PIK3CD: variants seen among roughly 807,000 people sequenced by gnomAD.
PIK3CD encodes phosphatidylinositol-4,5-bisphosphate 3-kinase catalytic subunit delta, also known as phosphatidylinositol 4,5-bisphosphate 3-kinase catalytic subunit delta isoform.
Under a neutral mutation model 122.9 loss-of-function variants are expected in PIK3CD, and 20 were observed. The ratio of observed to expected loss-of-function variants is 0.16; its 90% CI spans 0.11 to 0.24. PIK3CD has a LOEUF of 0.24. Ranked by LOEUF, PIK3CD falls within the 10% of genes least tolerant of loss-of-function variation. The pLI is 1.00. For missense variants in PIK3CD, 787 were observed against 1,406.3 expected, an observed-to-expected ratio of 0.56 and a Z score of 7.04; for synonymous variants, 596 against 593.4, an observed-to-expected ratio of 1.00 and a Z score of -0.06.
chr1:9,673,099 CTTT>C (rs541906039), intron 1 of PIK3CD, among the ~76,000 whole-genome samples: 20 of 136,408 alleles, frequency 1.5e-4, no homozygotes, highest in South Asian at 1.2e-3. Context: ...TTTAATCCTA[CTTT>C]TTTTTTTTTT....
At chr1:9,654,436 T>G (rs201913488) in intron 1 of PIK3CD, 1 of 1,366,286 alleles carries the variant, frequency 7.3e-7, no homozygotes, top group Non-Finnish European at 9.8e-7. Flanking sequence ...TGGGAGGGCA[T>G]CAGCCCCTGG....
At chr1:9,698,965 A>T (rs1179222990) in intron 2 of PIK3CD, among the ~76,000 whole-genome samples, 1 of 152,002 alleles carries the variant, frequency 6.6e-6, no homozygotes, top group Non-Finnish European at 1.5e-5. Flanking sequence ...ATGCAGGAGG[A>T]TTACTTGAGC....
chr1:9,664,525 C>T (rs1645103279), intron 1 of PIK3CD, among the ~76,000 whole-genome samples: 1 of 152,216 alleles, frequency 6.6e-6, no homozygotes, highest in East Asian at 1.9e-4. Flanking sequence ...GTTCAAGTCT[C>T]CCATCACTGC....
the PIK3CD span, among the ~76,000 whole-genome samples, chr1:9,635,886 C>T: frequency 2.6e-5 from 4 of 152,340 alleles, no homozygotes; most frequent in South Asian, 8.3e-4. Flanking sequence ...GACATGTGAG[C>T]ATCTGGCTGC....
At chr1:9,708,646 G>A (rs921368845) in intron 2 of PIK3CD, among the ~76,000 whole-genome samples, 1 of 151,544 alleles carries the variant, frequency 6.6e-6, no homozygotes, top group African/African-American at 2.4e-5. Flanking sequence ...TCAGGAGTTC[G>A]AGACCAACCT....
chr1:9,666,227 CTTTTTTTTTTTTT>C lies in PIK3CD; in HGVS notation c.-138+14444_-138+14456del, dbSNP rs573382597. 1.1e-3 allele frequency among the ~76,000 whole-genome samples: 50 copies of C among 44,200 alleles called. 1 individual carries two copies. Among genetic ancestry groups the C allele is most frequent in the African/African-American group, 3.8e-3 (31 of 8,214 alleles). The allele number at this position is 44,200 out of a possible 152,430, so 29.0% of individuals were successfully genotyped here. The stretch of plus-strand genomic sequence containing the variant: ...ACAGGCATGAGCCACCGCGCCCGGT[CTTTTTTTTTTTTT>C]TTTTTTTTTTTTTTTTTTGAGGTGG... On this transcript the variant is annotated intron_variant, in intron 1 of 23. Coordinates refer to ENST00000377346, the MANE Select transcript of PIK3CD (RefSeq NM_005026.5).
Position 9,715,826 on chromosome 1 carries a change from A to ACCCC in PIK3CD, c.371-20_371-19insCCCC. The ACCCC allele has an allele frequency of 2.5e-6, 3 of 1,187,952 alleles. No homozygotes were observed. Among genetic ancestry groups the ACCCC allele is most frequent in the Non-Finnish European group, 3.8e-6 (3 of 793,774 alleles). 73.6% of individuals were successfully genotyped at this position (1,187,952 alleles called of 1,614,324 possible). ...CTGGCCCTGCCTGCCCCACCCGCTG[A>ACCCC]CCCAGCCCTCCCCACCCCGCAGGCC... On this transcript the variant is annotated intron_variant, in intron 4 of 23. Transcript: ENST00000377346. The surrounding 1 kb of genome is among the most constrained non-coding windows in gnomAD (Gnocchi z 4.1).
At position 9,670,035 on chromosome 1, in the gene PIK3CD, G is replaced by A. The variant is rs573486250; in HGVS notation, c.-138+18233G>A. 3.3e-4 allele frequency among the ~76,000 whole-genome samples: 50 copies of A among 151,742 alleles called. No individual in the cohort carries two copies. The South Asian group carries it at 3.8e-3, about 11-fold the overall frequency. On this transcript the variant is annotated intron_variant, in intron 1 of 23. Coordinates refer to ENST00000377346, the MANE Select transcript of PIK3CD (RefSeq NM_005026.5). ...CTAAAAATACAAAAATTAGCTGGGC[G>A]TGGTGGTGGGTGCCTATAATCCCAG...
rs186998116 is a variant in PIK3CD, at chr1:9,721,602, C to T, written c.1955+15C>T. On this transcript the variant is annotated intron_variant, in intron 15 of 23. Transcript: ENST00000377346. ...TGGCACCTCCGGTAGCGGGACTTGC[C>T]CCAGCCGTTCTGTGGGAATCCCAGC... The T allele has an allele frequency of 1.4e-5, 22 of 1,612,430 alleles. No homozygotes were observed. In the East Asian group the frequency reaches 4.5e-4, roughly 33 times the overall value.
chr1:9,654,191 T>G (rs1197139661), intron 1 of PIK3CD: 2 of 1,362,232 alleles, frequency 1.5e-6, no homozygotes, highest in Non-Finnish European at 2.0e-6. Context: ...TTGGCCACAC[T>G]ACTCACTTAG....
the PIK3CD span, among the ~76,000 whole-genome samples, chr1:9,632,320 C>CT: frequency 3.3e-5 from 5 of 151,978 alleles, no homozygotes; most frequent in African/African-American, 1.2e-4. Flanking sequence ...CTTCTTCTTT[C>CT]TTTTTTTTAA....
chr1:9,720,950 AC>A lies in PIK3CD; in HGVS notation c.1689+43del. On this transcript the variant is annotated intron_variant, in intron 13 of 23. Transcript: ENST00000377346. The surrounding 1 kb of genome is among the most constrained non-coding windows in gnomAD (Gnocchi z 9.0). ...CACCTGGGGGCGGAGCTGGGGGCAG[AC>A]CACAGCCTCTGGCTACCCACCACCC... The A allele has an allele frequency of 6.5e-7, 1 of 1,541,974 alleles. No homozygotes were observed. The highest frequency in any genetic ancestry group is 8.8e-7 in the Non-Finnish European group (1 of 1,140,938).
upstream of PIK3CD, among the ~76,000 whole-genome samples, chr1:9,651,356 G>A (rs957868080): frequency 1.5e-4 from 23 of 152,166 alleles, no homozygotes; most frequent in Non-Finnish European, 4.4e-5. Context: ...GGGTCCCTGG[G>A]TGCCTAGAGC....
At chr1:9,645,161 C>T in the PIK3CD span, among the ~76,000 whole-genome samples, 3 of 151,450 alleles carry the variant, frequency 2.0e-5, no homozygotes, top group Non-Finnish European at 4.4e-5. Context: ...GCTGGGATTA[C>T]AGGCACCCAC....
In PIK3CD at chr1:9,679,063, C is replaced by CTT. The variant is rs148088382; in HGVS notation, c.-137-12383_-137-12382dup. ...CTTCTTTCCGGGTAGTCAGGAGAAA[C>CTT]TTTTTTTTTTTTTTTTTTTTTTGAG... On this transcript the variant is annotated intron_variant, in intron 1 of 23. Transcript: ENST00000377346. 3.8e-3 allele frequency among the ~76,000 whole-genome samples: 437 copies of CTT among 116,470 alleles called. 6 individuals carry two copies. Among genetic ancestry groups the CTT allele is most frequent in the African/African-American group, 7.0e-3 (203 of 29,026 alleles). The allele number at this position is 116,470 out of a possible 152,430, so 76.4% of individuals were successfully genotyped here. A position where few individuals can be genotyped will look rare whatever the true frequency, so the allele number is the denominator to read the frequency against.
chr1:9,653,568 C>T (rs957741180), intron 1 of PIK3CD: 2 of 346,772 alleles, frequency 5.8e-6, no homozygotes, highest in Non-Finnish European at 1.1e-5. Flanking sequence ...AGAGAGGCAC[C>T]CTCTAAGATA....
At chr1:9,678,144 CAA>C (rs58400420) in intron 1 of PIK3CD, among the ~76,000 whole-genome samples, 68,051 of 133,900 alleles carry the variant, frequency 0.51, 15,674 homozygotes, top group South Asian at 0.61. Flanking sequence ...AACTCCATCT[CAA>C]AAAAAAAAAA....
At chr1:9,638,424 C>T in the PIK3CD span, among the ~76,000 whole-genome samples, 21 of 152,100 alleles carry the variant, frequency 1.4e-4, no homozygotes, top group Middle Eastern at 3.4e-3. Context: ...AACCCGCTTC[C>T]GATGCTATAA....
intron 1 of PIK3CD, among the ~76,000 whole-genome samples, chr1:9,667,788 G>A (rs1645205328): frequency 1.4e-5 from 2 of 147,842 alleles, no homozygotes; most frequent in Non-Finnish European, 3.0e-5. Flanking sequence ...CCACACTGGA[G>A]TGCACTGGAG....
Sources: gnomAD v4.1 joint callset for allele counts (sites outside exome capture counted in the v4.1 genomes callset) on GRCh38, gnomAD v4.1.1 for gene constraint, Gnocchi (gnomAD v3.1) non-coding constraint, MANE v1.5 for transcripts, NCBI Gene and HGNC (gene_info 2026-07-23, HGNC 2026-07-21) for gene names.